The following CEP55 variants were observed in gnomAD, a reference collection of about 807,000 sequenced individuals.
CEP55 encodes centrosomal protein 55.
CEP55 carries 57 observed loss-of-function variants against 63.2 expected under a neutral mutation model. That is an observed-to-expected ratio of 0.90 (90% CI 0.73 to 1.13). CEP55 has a LOEUF of 1.13. Ranked by LOEUF, CEP55 falls within the 50% of genes most tolerant of loss-of-function variation. The pLI, the probability that CEP55 is intolerant of heterozygous loss-of-function variation, is 0.00. For missense variants in CEP55, 456 were observed against 518.9 expected, an observed-to-expected ratio of 0.88 and a Z score of 1.18; for synonymous variants, 178 against 191.6, an observed-to-expected ratio of 0.93 and a Z score of 0.59.
At chr10:93,522,543 T>C (rs974611466) in intron 8 of CEP55, among the ~76,000 whole-genome samples, 3 of 152,114 alleles carry the variant, frequency 2.0e-5, no homozygotes, top group Non-Finnish European at 4.4e-5. Flanking sequence ...ACTTCCCCAG[T>C]CTAGCAAGGC....
At chr10:93,524,384 A>G (rs1276693440) in intron 8 of CEP55, among the ~76,000 whole-genome samples, 1 of 152,114 alleles carries the variant, frequency 6.6e-6, no homozygotes, top group African/African-American at 2.4e-5. Context: ...CCAAGACTAA[A>G]CCAGGAAGAA....
At chr10:93,520,706 C>T (rs540671139) in intron 8 of CEP55, among the ~76,000 whole-genome samples, 16 of 151,760 alleles carry the variant, frequency 1.1e-4, no homozygotes, top group Middle Eastern at 3.4e-3. Flanking sequence ...TTTTATTCTA[C>T]TACTATAGAA....
rs201402287 is a variant in CEP55, at chr10:93,517,069, A to T, written c.814A>T (p.Thr272Ser). ...LSEFRRKYEETQKEVHNLNQL... is the reference protein window; with the variant it reads ...LSEFRRKYEESQKEVHNLNQL... ...TGAATTTCGAAGAAAATATGAAGAAACCCAAAAAGAAGTTCACAATTTAAA... is the reference window on the plus strand; with the variant it reads ...TGAATTTCGAAGAAAATATGAAGAATCCCAAAAAGAAGTTCACAATTTAAA... Residue 272 changes from threonine (T) to serine (S), a missense_variant, in exon 6 of 9, where the codon ACC (threonine) becomes TCC (serine). Physicochemically the swap from Thr to Ser is moderately conservative, Grantham distance 58. Coordinates refer to ENST00000371485, the MANE Select transcript of CEP55 (RefSeq NM_018131.5). 5 of 1,614,130 alleles carry T rather than the reference A, an allele frequency of 3.1e-6. No homozygotes were observed. The highest frequency in any genetic ancestry group is 4.2e-6 in the Non-Finnish European group (5 of 1,179,996).
rs2057813414 is a variant in CEP55 at position 93,517,173 on chromosome 10, A to G, written c.918A>G (p.Lys306=). 6.2e-7 allele frequency: 1 copy of G among 1,613,606 alleles called. No individual in the cohort carries two copies. Among genetic ancestry groups the G allele is most frequent in the Admixed American group, 1.7e-5 (1 of 59,976 alleles). The change falls in exon 6 of 9, where the codon AAA becomes AAG. Residue 306 remains lysine, a synonymous_variant. Coordinates refer to ENST00000371485, the MANE Select transcript of CEP55 (RefSeq NM_018131.5). ...GGCATAAAACAGAGAAGATACAAAA[A>G]CTCAGGGAAGAGAATGATATTGCTA... The part of the protein sequence containing the change: ...DDRHKTEKIQ[K]LREENDIARG...
chr10:93,498,809 C>CTTT (rs34668405), intron 1 of CEP55, among the ~76,000 whole-genome samples: 1 of 143,260 alleles, frequency 7.0e-6, no homozygotes. Flanking sequence ...GGGAACATGT[C>CTTT]TTTTTTTTTT....
chr10:93,499,939 A>G (rs2057615130), intron 1 of CEP55, 101 bp from the exon 2 acceptor site: 5 of 774,224 alleles, frequency 6.5e-6, no homozygotes, highest in Non-Finnish European at 1.0e-5. Flanking sequence ...TGGTTTGGAT[A>G]TATCATTTCT....
intron 2 of CEP55, among the ~76,000 whole-genome samples, chr10:93,501,709 A>G (rs910374265): frequency 6.6e-6 from 1 of 152,228 alleles, no homozygotes; most frequent in Non-Finnish European, 1.5e-5. Context: ...ATGGTTAAAC[A>G]GTATACCATT....
At chr10:93,505,181 A>G (rs12764977) in intron 3 of CEP55, among the ~76,000 whole-genome samples, 79,761 of 151,894 alleles carry the variant, frequency 0.53, 23,070 homozygotes, top group Non-Finnish European at 0.65. Context: ...TTTCTTTATT[A>G]ACTAGTATGT....
At position 93,528,193 on chromosome 10, in the gene CEP55, T is replaced by A. The variant is rs755379142; in HGVS notation, c.*40T>A. On this transcript the variant is annotated 3_prime_UTR_variant, in exon 9 of 9. Coordinates refer to ENST00000371485, the MANE Select transcript of CEP55 (RefSeq NM_018131.5). ...GTTTTGATATTAAAAGATTCAATACTGTATTTTCTGTTAGCTTGTGGGCAT... is the reference window on the plus strand; with the variant it reads ...GTTTTGATATTAAAAGATTCAATACAGTATTTTCTGTTAGCTTGTGGGCAT... The A allele has an allele frequency of 4.7e-5, 71 of 1,525,908 alleles. No homozygotes were observed. The highest frequency in any genetic ancestry group is 6.2e-5 in the Non-Finnish European group (68 of 1,105,360). The allele number at this position is 1,525,908 out of a possible 1,614,324, so 94.5% of individuals were successfully genotyped here.
chr10:93,515,699 T>C (rs2057797236), intron 5 of CEP55, 144 bp downstream of exon 5: 1 of 765,524 alleles, frequency 1.3e-6, no homozygotes, highest in African/African-American at 1.7e-5. Context: ...GAAATACCAT[T>C]TTTGCAAGTT....
chr10:93,527,797 C>T (rs565822388), intron 8 of CEP55, among the ~76,000 whole-genome samples, 153 bp from the exon 9 acceptor site: 3 of 151,782 alleles, frequency 2.0e-5, no homozygotes, highest in African/African-American at 7.2e-5. Context: ...GAGAGGATTG[C>T]TTAAGCCTGG....
chr10:93,507,093 G>A (rs1289090026), intron 4 of CEP55, 37 bp downstream of exon 4: 1 of 1,175,416 alleles, frequency 8.5e-7, no homozygotes, highest in Non-Finnish European at 1.2e-6. Context: ...GGTAAAGAGG[G>A]CTAATTCATT....
chr10:93,501,751 A>G (rs919194191), intron 2 of CEP55, among the ~76,000 whole-genome samples: 2 of 152,232 alleles, frequency 1.3e-5, no homozygotes, highest in African/African-American at 4.8e-5. Flanking sequence ...ACAGGCACAT[A>G]ATGAAACTGA....
At chr10:93,506,927 T>C (rs1355854272) in intron 3 of CEP55, 61 bp from the exon 4 acceptor site, 3 of 1,062,062 alleles carry the variant, frequency 2.8e-6, no homozygotes, top group African/African-American at 1.6e-5. Context: ...TTATGGTGAA[T>C]GTAATGAGGC....
rs146700713 is a variant in CEP55 at position 93,515,516 on chromosome 10, C to A, written c.640C>A (p.His214Asn). The A allele has an allele frequency of 1.0e-4, 168 of 1,613,940 alleles. No homozygotes were observed. In the African/African-American group the frequency reaches 1.7e-3, roughly 16 times the overall value. The change falls in exon 5 of 9, where the codon CAT becomes AAT. Residue 214 changes from histidine (H) to asparagine (N), a missense_variant. His to Asn is a moderately conservative substitution (Grantham distance 68). Coordinates refer to ENST00000371485, the MANE Select transcript of CEP55 (RefSeq NM_018131.5). ...GGAAAAGAAAACGGAAACAGCTGCT[C>A]ATTCACTCCCACAGCAGACAAAAAA... ...ELEKKTETAAHSLPQQTKKPE... is the reference protein window; with the variant it reads ...ELEKKTETAANSLPQQTKKPE...
rs769363272 is a variant in CEP55, at chr10:93,507,027, A to T, written c.499A>T (p.Ile167Phe). 6.3e-7 allele frequency: 1 copy of T among 1,586,510 alleles called. No individual in the cohort carries two copies. Among genetic ancestry groups the T allele is most frequent in the Non-Finnish European group, 8.7e-7 (1 of 1,155,548 alleles). ...CTGCTTCAACTCATCAATAAATAATATTCATGAAATGGAAATACAGCTGAA... is the reference window on the plus strand; with the variant it reads ...CTGCTTCAACTCATCAATAAATAATTTTCATGAAATGGAAATACAGCTGAA... ...PNCFNSSINN[I>F]HEMEIQLKDA... Residue 167 changes from isoleucine to phenylalanine, a missense_variant, in exon 4 of 9, where the codon ATT (isoleucine) becomes TTT (phenylalanine). Coordinates refer to ENST00000371485, the MANE Select transcript of CEP55 (RefSeq NM_018131.5).
At chr10:93,505,676 C>T (rs951585543) in intron 3 of CEP55, among the ~76,000 whole-genome samples, 1 of 152,238 alleles carries the variant, frequency 6.6e-6, no homozygotes. Flanking sequence ...TGCCAGTATT[C>T]ACAAGTCTCT....
At position 93,518,909 on chromosome 10, in the gene CEP55, G is replaced by T. The variant is rs867273587; in HGVS notation, c.1026G>T (p.Gln342His). 6.2e-7 allele frequency: 1 copy of T among 1,612,568 alleles called. No individual in the cohort carries two copies. Among genetic ancestry groups the T allele is most frequent in the Admixed American group, 1.7e-5 (1 of 59,982 alleles). The change falls in exon 7 of 9, where the codon CAG (glutamine) becomes CAT (histidine). Residue 342 changes from glutamine to histidine, a missense_variant. Physicochemically the swap from Gln to His is conservative, Grantham distance 24 (BLOSUM62 0). Transcript: ENST00000371485. ...VQFLYTSLLK[Q>H]QEEQTRVALL... is the part of the protein sequence containing the mutation. ...TTCTTTACACATCTCTGCTAAAGCA[G>T]CAAGAAGAACAAACAAGGGTAGCTC... is the stretch of plus-strand genomic sequence containing the variant.
intron 4 of CEP55, chr10:93,510,569 A>ATG (rs2057735791): frequency 6.6e-6 from 1 of 152,124 alleles, no homozygotes; most frequent in African/African-American, 2.4e-5. Context: ...GTTTAAACCC[A>ATG]TATACTTCAA....
Sources: allele counts gnomAD v4.1 joint callset (sites outside exome capture counted in the v4.1 genomes callset), GRCh38; gene constraint gnomAD v4.1.1; transcripts MANE v1.5; gene names NCBI Gene and HGNC (gene_info 2026-07-23, HGNC 2026-07-21).